METTL6: variants seen among roughly 807,000 people sequenced by gnomAD.
METTL6 encodes tRNA N(3)-cytidine methyltransferase METTL6.
Under a neutral mutation model 26.4 loss-of-function variants are expected in METTL6, and 22 were observed. The ratio of observed to expected loss-of-function variants is 0.83; its 90% CI spans 0.59 to 1.19. The LOEUF (loss-of-function observed/expected upper bound fraction) is 1.19. METTL6 is among the 50% of genes most tolerant of loss of function. The pLI is 0.00. For synonymous variants in METTL6, 109 were observed against 116.2 expected, an observed-to-expected ratio of 0.94 and a Z score of 0.40; for missense variants, 304 against 324.8, an observed-to-expected ratio of 0.94 and a Z score of 0.49.
At chr3:15,393,956 C>A (rs897208960) in intron 6 of METTL6, among the ~76,000 whole-genome samples, 1 of 151,314 alleles carries the variant, frequency 6.6e-6, no homozygotes, top group Non-Finnish European at 1.5e-5. Context: ...GTCTAAAATT[C>A]TCTTCTTTTG....
intron 3 of METTL6, among the ~76,000 whole-genome samples, chr3:15,423,370 G>C (rs576071966): frequency 6.6e-6 from 1 of 152,326 alleles, no homozygotes; most frequent in Non-Finnish European, 1.5e-5. Context: ...TCCAGTCTAG[G>C]CGACAGAGCG....
At chr3:15,397,395 G>T (rs903795043) in intron 6 of METTL6, among the ~76,000 whole-genome samples, 3 of 152,126 alleles carry the variant, frequency 2.0e-5, no homozygotes, top group African/African-American at 7.2e-5. Flanking sequence ...CCCTTTCCTT[G>T]GCTAGGAAAG....
At chr3:15,408,333 G>T (rs1460316452), downstream of METTL6, among the ~76,000 whole-genome samples, 1 of 152,048 alleles carries the variant, frequency 6.6e-6, no homozygotes, top group Non-Finnish European at 1.5e-5. Flanking sequence ...TTTTCTGTAT[G>T]TATGTTAAGC....
intron 3 of METTL6, among the ~76,000 whole-genome samples, chr3:15,424,265 T>C (rs1340711418): frequency 6.6e-6 from 1 of 152,170 alleles, no homozygotes; most frequent in Non-Finnish European, 1.5e-5. Flanking sequence ...TGGGGGATTA[T>C]GTTATTTTAT....
upstream of METTL6, chr3:15,427,615 A>C: frequency 4.6e-6 from 3 of 647,160 alleles, no homozygotes; most frequent in Non-Finnish European, 8.1e-6. Context: ...ACCCCCACGC[A>C]GAGGAGAGAA....
chr3:15,399,563 T>TGTGG (rs1699584506), intron 6 of METTL6: 1 of 149,102 alleles, frequency 6.7e-6, no homozygotes, highest in Non-Finnish European at 1.5e-5. Flanking sequence ...TGTGTGTGTG[T>TGTGG]GTGTGTGTGT....
intron 6 of METTL6, among the ~76,000 whole-genome samples, chr3:15,395,249 T>A (rs1412099775): frequency 6.6e-6 from 1 of 152,256 alleles, no homozygotes; most frequent in Admixed American, 6.5e-5. Context: ...TTTACCATTA[T>A]GTAATGGCCT....
At chr3:15,425,276 GA>G (rs1388458668) in intron 2 of METTL6, among the ~76,000 whole-genome samples, 187 bp from the exon 3 acceptor site, 2 of 152,192 alleles carry the variant, frequency 1.3e-5, no homozygotes, top group East Asian at 3.9e-4. Context: ...TGGTGTGGAG[GA>G]AAAAAACAGC....
At chr3:15,420,730 G>A (rs1206487877) in intron 3 of METTL6, among the ~76,000 whole-genome samples, 1 of 152,178 alleles carries the variant, frequency 6.6e-6, no homozygotes, top group African/African-American at 2.4e-5. Context: ...GACCAACGTA[G>A]AGTCAGTAAC....
At chr3:15,423,632 G>A (rs1463163326) in intron 3 of METTL6, among the ~76,000 whole-genome samples, 1 of 152,204 alleles carries the variant, frequency 6.6e-6, no homozygotes, top group Non-Finnish European at 1.5e-5. Flanking sequence ...CAGCACTTTG[G>A]GAGGCTGAGG....
In METTL6 at chr3:15,423,179, T is replaced by C. The variant is rs531384206; in HGVS notation, c.360+1776A>G. Reference sequence around the variant, plus strand: ...GGGAGGCCAAGGCGGGTGGATTACCTGAGGCCAGGAGTTTGAGACCAGCGT... The same window carrying C: ...GGGAGGCCAAGGCGGGTGGATTACCCGAGGCCAGGAGTTTGAGACCAGCGT... On this transcript the variant is annotated intron_variant, in intron 3 of 5. Transcript: ENST00000383790. 6.9e-4 allele frequency among the ~76,000 whole-genome samples: 105 copies of C among 152,266 alleles called. No individual in the cohort carries two copies. The South Asian group carries it at 0.021, about 30-fold the overall frequency.
intron 2 of METTL6, 112 bp downstream of exon 2, chr3:15,426,175 G>C (rs113634062): frequency 1.7e-4 from 170 of 987,064 alleles, no homozygotes; most frequent in African/African-American, 1.7e-3. Flanking sequence ...TCTTGACTTC[G>C]TGATCCGCCT....
At chr3:15,404,147 T>G (rs746876670) in intron 6 of METTL6, among the ~76,000 whole-genome samples, 3 of 152,160 alleles carry the variant, frequency 2.0e-5, no homozygotes, top group Non-Finnish European at 4.4e-5. Context: ...AGCCTCATTC[T>G]ACTCAGCCCC....
chr3:15,389,849 ATT>A (rs58728599), intron 6 of METTL6, among the ~76,000 whole-genome samples: 28 of 132,946 alleles, frequency 2.1e-4, no homozygotes, highest in Non-Finnish European at 1.7e-4. Flanking sequence ...CGCCCGGCCA[ATT>A]TTTTTTTTTT....
chr3:15,422,309 G>C (rs986343045), intron 3 of METTL6, among the ~76,000 whole-genome samples: 1 of 151,660 alleles, frequency 6.6e-6, no homozygotes, highest in East Asian at 1.9e-4. Context: ...CTGGGTGACA[G>C]AGTGAGACCC....
chr3:15,410,670 G>A lies in METTL6; in HGVS notation c.*586C>T, dbSNP rs1699930101. Reference sequence around the variant, plus strand: ...ACAGGTAATTGAAATTGTGGTAAGTGAAACCATGGATAAAGCGGGACTACT... The same window carrying A: ...ACAGGTAATTGAAATTGTGGTAAGTAAAACCATGGATAAAGCGGGACTACT... On this transcript the variant is annotated 3_prime_UTR_variant, in exon 6 of 6. Transcript: ENST00000383790. Among the ~76,000 whole-genome samples the A allele has an allele frequency of 1.3e-5, 2 of 152,056 alleles. No homozygotes were observed. Among genetic ancestry groups the A allele is most frequent in the African/African-American group, 4.8e-5 (2 of 41,398 alleles).
At chr3:15,424,845 C>G in intron 3 of METTL6, 110 bp downstream of exon 3, 1 of 1,406,642 alleles carries the variant, frequency 7.1e-7, no homozygotes, top group Non-Finnish European at 9.9e-7. Context: ...GTGACTATAG[C>G]TGGTTAGCTC....
intron 3 of METTL6, among the ~76,000 whole-genome samples, chr3:15,418,943 T>G (rs1038413497): frequency 6.6e-6 from 1 of 152,028 alleles, no homozygotes; most frequent in African/African-American, 2.4e-5. Flanking sequence ...AGATTAATAT[T>G]TTGCCATGAT....
At chr3:15,395,355 G>A (rs1575393748) in intron 6 of METTL6, among the ~76,000 whole-genome samples, 1 of 152,262 alleles carries the variant, frequency 6.6e-6, no homozygotes, top group East Asian at 1.9e-4. Flanking sequence ...TTTCTTGGTA[G>A]ATCTTCCTCC....
Sources: allele counts gnomAD v4.1 joint callset (sites outside exome capture counted in the v4.1 genomes callset), GRCh38; gene constraint gnomAD v4.1.1; transcripts MANE v1.5; gene names NCBI Gene and HGNC (gene_info 2026-07-23, HGNC 2026-07-21).